Variants in QTMAN observed in about 807,000 individuals in gnomAD.
The protein encoded by QTMAN is tRNA-queuosine alpha-mannosyltransferase.
the QTMAN span, among the ~76,000 whole-genome samples, chr2:144,278,114 C>G: frequency 8.7e-4 from 132 of 152,250 alleles, no homozygotes; most frequent in African/African-American, 3.0e-3. Flanking sequence ...CAAATTTGAG[C>G]AGAGCATTAG....
chr2:144,268,800 T>C, the QTMAN span, among the ~76,000 whole-genome samples: 1 of 152,176 alleles, frequency 6.6e-6, no homozygotes, highest in Non-Finnish European at 1.5e-5. Flanking sequence ...AATTTCCATT[T>C]TTTTTTGTTT....
chr2:144,025,698 T>G, the QTMAN span, among the ~76,000 whole-genome samples: 1 of 152,068 alleles, frequency 6.6e-6, no homozygotes, highest in South Asian at 2.1e-4. Flanking sequence ...CAGGTATGTC[T>G]CAAAAGAACA....
the QTMAN span, among the ~76,000 whole-genome samples, chr2:144,297,545 G>A: frequency 6.8e-6 from 1 of 146,012 alleles, no homozygotes; most frequent in Non-Finnish European, 1.5e-5. Context: ...TCTCATGCCT[G>A]TAATCCCAGA....
At chr2:144,042,868 G>A in the QTMAN span, among the ~76,000 whole-genome samples, 1 of 152,206 alleles carries the variant, frequency 6.6e-6, no homozygotes, top group African/African-American at 2.4e-5. Context: ...TACTAGGATG[G>A]TAAGTACTGA....
the QTMAN span, among the ~76,000 whole-genome samples, chr2:144,300,908 A>C: frequency 6.6e-6 from 1 of 152,166 alleles, no homozygotes; most frequent in Non-Finnish European, 1.5e-5. Flanking sequence ...AGAAGCCCCC[A>C]AAATTTTTTG....
the QTMAN span, chr2:144,177,301 A>C: frequency 1.6e-6 from 1 of 631,406 alleles, no homozygotes; most frequent in Non-Finnish European, 2.8e-6. Context: ...AGACAAACTG[A>C]TTCTAATTTT....
the QTMAN span, among the ~76,000 whole-genome samples, chr2:144,250,128 T>G: frequency 1.6e-4 from 23 of 145,238 alleles, no homozygotes; most frequent in Admixed American, 4.0e-4. Flanking sequence ...TTTGTGTTTT[T>G]TTTTTTTGTT....
chr2:144,280,889 C>T, the QTMAN span, among the ~76,000 whole-genome samples: 1 of 151,462 alleles, frequency 6.6e-6, no homozygotes, highest in African/African-American at 2.4e-5. Context: ...AAATTCATGC[C>T]TATCAGAACT....
chr2:144,251,111 TTTTC>T, the QTMAN span, among the ~76,000 whole-genome samples: 80 of 152,250 alleles, frequency 5.3e-4, no homozygotes, highest in African/African-American at 1.9e-3. Flanking sequence ...AATATTACCA[TTTTC>T]TTTATTTCCA....
At chr2:144,246,158 A>G in the QTMAN span, among the ~76,000 whole-genome samples, 2 of 152,252 alleles carry the variant, frequency 1.3e-5, no homozygotes, top group Admixed American at 6.5e-5. Flanking sequence ...ACATATGCAC[A>G]TGGGCACATG....
chr2:144,128,590 A>C, the QTMAN span, among the ~76,000 whole-genome samples: 1 of 151,962 alleles, frequency 6.6e-6, no homozygotes, highest in Non-Finnish European at 1.5e-5. Context: ...CATTTCTAAC[A>C]ATTTCATGAA....
the QTMAN span, among the ~76,000 whole-genome samples, chr2:144,022,560 C>CTTTTT: frequency 3.0e-4 from 31 of 104,246 alleles, no homozygotes; most frequent in Non-Finnish European, 3.9e-4. Context: ...CTCTCTCTCT[C>CTTTTT]TTTTTTTTTT....
At chr2:144,217,825 G>A in the QTMAN span, among the ~76,000 whole-genome samples, 37 of 152,262 alleles carry the variant, frequency 2.4e-4, no homozygotes, top group Non-Finnish European at 4.0e-4. Flanking sequence ...CCACGTAGCC[G>A]CATTCAGTCT....
At chr2:144,262,634 A>AG in the QTMAN span, among the ~76,000 whole-genome samples, 2 of 33,284 alleles carry the variant, frequency 6.0e-5, no homozygotes, top group South Asian at 1.5e-3. Flanking sequence ...AAGGGAGGGG[A>AG]GGGAGAGGGG....
At chr2:144,265,207 G>A in the QTMAN span, among the ~76,000 whole-genome samples, 1 of 152,172 alleles carries the variant, frequency 6.6e-6, no homozygotes, top group Non-Finnish European at 1.5e-5. Flanking sequence ...CAAATCAGGT[G>A]TCTGAAAGTA....
the QTMAN span, among the ~76,000 whole-genome samples, chr2:143,965,051 G>T: frequency 1.3e-5 from 2 of 149,638 alleles, no homozygotes; most frequent in Admixed American, 1.3e-4. Flanking sequence ...TAAGCATTTT[G>T]TTCTTCTTCT....
chr2:144,222,721 T>C, the QTMAN span, among the ~76,000 whole-genome samples: 19 of 152,076 alleles, frequency 1.2e-4, no homozygotes, highest in East Asian at 1.6e-3. Context: ...GGCAGGAGAA[T>C]GGAGTGAACC....
the QTMAN span, among the ~76,000 whole-genome samples, chr2:144,087,488 G>C: frequency 2.0e-5 from 3 of 151,844 alleles, no homozygotes; most frequent in African/African-American, 7.3e-5. Flanking sequence ...ACCAAAACCA[G>C]ACAAAGACAC....
At chr2:144,012,029 C>A in the QTMAN span, among the ~76,000 whole-genome samples, 1 of 152,062 alleles carries the variant, frequency 6.6e-6, no homozygotes, top group Non-Finnish European at 1.5e-5. Flanking sequence ...TAGAAATATT[C>A]GGATTGCCAT....
Sources: allele counts gnomAD v4.1 joint callset (sites outside exome capture counted in the v4.1 genomes callset), GRCh38; gene constraint gnomAD v4.1.1; transcripts MANE v1.5; gene names NCBI Gene and HGNC (gene_info 2026-07-23, HGNC 2026-07-21).